The following STK39 variants were observed in gnomAD, a reference collection of about 807,000 sequenced individuals.
The protein encoded by STK39 is serine/threonine kinase 39, also known as STE20/SPS1-related proline-alanine-rich protein kinase.
In STK39, 20 loss-of-function variants were observed where a neutral mutation model predicts 77.8. That is an observed-to-expected ratio of 0.26 (90% confidence interval 0.18 to 0.37). The LOEUF (loss-of-function observed/expected upper bound fraction) is 0.37. STK39 is among the 10% of genes least tolerant of loss of function. The pLI is 1.00. For missense variants in STK39, 479 were observed against 656.5 expected (o/e 0.73, Z 2.95); for synonymous variants, 246 against 234.1 (o/e 1.05, Z -0.47).
chr2:168,065,398 C>T lies in STK39; in HGVS notation c.1243-17G>A, dbSNP rs1685767864. On this transcript the variant is annotated splice_polypyrimidine_tract_variant and intron_variant, in intron 12 of 17. Transcript: ENST00000355999. Reference sequence around the variant, plus strand: ...CACTGCAATCTGTTACGAGAGCCACCGTTACAGCATTCAAGAAAGCCAAAG... The same window carrying T: ...CACTGCAATCTGTTACGAGAGCCACTGTTACAGCATTCAAGAAAGCCAAAG... 1.9e-6 allele frequency: 3 copies of T among 1,613,684 alleles called. No individual in the cohort carries two copies. The highest frequency in any genetic ancestry group is 2.5e-6 in the Non-Finnish European group (3 of 1,179,796).
chr2:168,091,859 TG>T (rs1234888499), intron 10 of STK39, among the ~76,000 whole-genome samples: 3 of 152,238 alleles, frequency 2.0e-5, no homozygotes, highest in Non-Finnish European at 4.4e-5. Flanking sequence ...TCATTTTACC[TG>T]TAAATACTTC....
intron 10 of STK39, among the ~76,000 whole-genome samples, chr2:168,087,494 AC>A (rs1266540262): frequency 1.3e-5 from 2 of 152,260 alleles, no homozygotes; most frequent in African/African-American, 4.8e-5. Context: ...CTGATTCAAT[AC>A]GTGGAAAAGC....
rs377390618 is a variant in STK39, at chr2:168,096,364, G to A, written c.1090-21133C>T. On this transcript the variant is annotated intron_variant, in intron 10 of 17. Transcript: ENST00000355999. ...TTGCTAGTCATCATGACTTAACCAC[G>A]AAGTCTCAGTCTCTTCACCTGTAAC... Among the ~76,000 whole-genome samples the A allele has an allele frequency of 7.9e-4, 120 of 152,230 alleles. 1 individual carries two copies. Among genetic ancestry groups the A allele is most frequent in the African/African-American group, 2.5e-3 (104 of 41,542 alleles).
At chr2:168,119,224 A>T (rs1443244774) in intron 10 of STK39, among the ~76,000 whole-genome samples, 1 of 151,970 alleles carries the variant, frequency 6.6e-6, no homozygotes, top group African/African-American at 2.4e-5. Context: ...TTTATATTAA[A>T]CCCATAATAT....
chr2:168,091,341 C>G (rs1686518768), intron 10 of STK39, among the ~76,000 whole-genome samples: 1 of 152,210 alleles, frequency 6.6e-6, no homozygotes, highest in Admixed American at 6.5e-5. Flanking sequence ...CTCCACAGCT[C>G]ACTCCACCCA....
chr2:168,157,022 A>T (rs930497169), intron 5 of STK39, among the ~76,000 whole-genome samples: 27 of 152,344 alleles, frequency 1.8e-4, no homozygotes, highest in Admixed American at 9.2e-4. Context: ...CCTAGCAGCT[A>T]TGGGTGTAAA....
At position 168,229,473 on chromosome 2, in the gene STK39, T is replaced by TA. The variant is rs925069036; in HGVS notation, c.208+17754dup. ...AAACAAAAAAAACTAAAACAAGAAC[T>TA]AAAAAAAATGAAGAGAGGCAAACTC... On this transcript the variant is annotated intron_variant, in intron 1 of 17. Coordinates refer to ENST00000355999, the MANE Select transcript of STK39 (RefSeq NM_013233.3). 3.5e-3 allele frequency among the ~76,000 whole-genome samples: 535 copies of TA among 151,666 alleles called. 4 individuals carry two copies. The highest frequency in any genetic ancestry group is 0.013 in the African/African-American group (522 of 41,348).
At chr2:167,996,940 C>T (rs1469051008) in intron 16 of STK39, among the ~76,000 whole-genome samples, 3 of 151,426 alleles carry the variant, frequency 2.0e-5, no homozygotes, top group Non-Finnish European at 4.4e-5. Context: ...TCCTCCCAGG[C>T]AGTAAGAGAG....
intron 16 of STK39, among the ~76,000 whole-genome samples, chr2:167,976,608 G>A (rs1472871146): frequency 6.6e-6 from 1 of 152,060 alleles, no homozygotes; most frequent in African/African-American, 2.4e-5. Context: ...TTTTTTGCAT[G>A]TCTGACACCC....
chr2:168,183,048 A>T (rs1178068961), intron 1 of STK39, among the ~76,000 whole-genome samples: 2 of 152,194 alleles, frequency 1.3e-5, no homozygotes, highest in Non-Finnish European at 1.5e-5. Context: ...GCAGGGGAGT[A>T]TTTGGCAACA....
chr2:168,186,270 C>A (rs576554459), intron 1 of STK39, among the ~76,000 whole-genome samples: 1 of 152,276 alleles, frequency 6.6e-6, no homozygotes, highest in South Asian at 2.1e-4. Flanking sequence ...GCACATTGAT[C>A]TGGACTTCCT....
intron 10 of STK39, among the ~76,000 whole-genome samples, chr2:168,122,607 AT>A (rs1262731336): frequency 1.3e-5 from 2 of 149,476 alleles, no homozygotes; most frequent in Non-Finnish European, 3.0e-5. Flanking sequence ...GCCCAGCTAA[AT>A]TTTTTTTTTG....
chr2:168,141,035 T>C (rs1285118956), intron 5 of STK39, among the ~76,000 whole-genome samples: 1 of 152,160 alleles, frequency 6.6e-6, no homozygotes, highest in Non-Finnish European at 1.5e-5. Flanking sequence ...TTAGCTGAGG[T>C]ATATAAAGAT....
intron 10 of STK39, among the ~76,000 whole-genome samples, chr2:168,116,699 G>T (rs767076733): frequency 6.6e-6 from 1 of 152,152 alleles, no homozygotes; most frequent in Non-Finnish European, 1.5e-5. Context: ...GGCCAGGGCA[G>T]AGGGGCAAAC....
At chr2:168,185,645 T>A (rs1405026947) in intron 1 of STK39, among the ~76,000 whole-genome samples, 1 of 152,198 alleles carries the variant, frequency 6.6e-6, no homozygotes, top group Non-Finnish European at 1.5e-5. Flanking sequence ...TTCACTAAGG[T>A]CTATGTGAAA....
intron 17 of STK39, among the ~76,000 whole-genome samples, chr2:167,960,429 A>G (rs749694501): frequency 6.9e-6 from 1 of 145,636 alleles, no homozygotes; most frequent in East Asian, 2.1e-4. Context: ...GATTAAATAA[A>G]TATGTATGCT....
At chr2:168,026,322 T>G (rs1574402967) in intron 14 of STK39, among the ~76,000 whole-genome samples, 1 of 152,300 alleles carries the variant, frequency 6.6e-6, no homozygotes, top group African/African-American at 2.4e-5. Flanking sequence ...TCCTGTCAAA[T>G]TAATCTTCCT....
chr2:168,129,399 C>T, intron 10 of STK39, 142 bp downstream of exon 10: 1 of 865,562 alleles, frequency 1.2e-6, no homozygotes, highest in Non-Finnish European at 1.8e-6. Context: ...AAGGCAAATG[C>T]AGTTATCTGA....
chr2:168,157,434 T>A (rs1370232165), intron 5 of STK39, among the ~76,000 whole-genome samples: 1 of 152,228 alleles, frequency 6.6e-6, no homozygotes, highest in African/African-American at 2.4e-5. Flanking sequence ...CTTTGTGTAT[T>A]GGGCCTACTA....
Sources: gnomAD v4.1 joint callset for allele counts (sites outside exome capture counted in the v4.1 genomes callset) on GRCh38, gnomAD v4.1.1 for gene constraint, MANE v1.5 for transcripts, NCBI Gene and HGNC (gene_info 2026-07-23, HGNC 2026-07-21) for gene names.